The following SLC43A2 variants were observed in gnomAD, a reference collection of about 807,000 sequenced individuals.
The protein encoded by SLC43A2 is large neutral amino acids transporter small subunit 4.
A neutral mutation model predicts 63.2 loss-of-function variants in SLC43A2; 38 were observed. That is an observed-to-expected ratio of 0.60 (90% CI 0.46 to 0.79). SLC43A2 has a LOEUF of 0.79. Among genes scored for constraint, SLC43A2 ranks in the 30% least tolerant of loss-of-function variants. The pLI is 0.00. For missense variants in SLC43A2, 644 were observed against 756.2 expected (o/e 0.85, Z 1.74); for synonymous variants, 322 against 331.0 (o/e 0.97, Z 0.30).
chr17:1,612,652 C>T (rs369958022), intron 5 of SLC43A2, among the ~76,000 whole-genome samples: 33 of 152,224 alleles, frequency 2.2e-4, no homozygotes, highest in African/African-American at 7.5e-4. Flanking sequence ...GAGCTGCTTC[C>T]GCAGCATCAA....
intron 2 of SLC43A2, among the ~76,000 whole-genome samples, chr17:1,617,133 G>A (rs1294327284): frequency 2.0e-5 from 3 of 152,154 alleles, no homozygotes; most frequent in Non-Finnish European, 4.4e-5. Context: ...ACCCTAGAAC[G>A]GCAGACCTCA....
In SLC43A2 at chr17:1,593,837, G is replaced by C. The variant is rs2151048583; in HGVS notation, c.502-558C>G. Among the ~76,000 whole-genome samples, 1 of 152,154 alleles carries C rather than the reference G, an allele frequency of 6.6e-6. No individual in the cohort carries two copies. Among genetic ancestry groups the C allele is most frequent in the Admixed American group, 6.6e-5 (1 of 15,264 alleles). On this transcript the variant is annotated intron_variant, in intron 5 of 13. Coordinates refer to ENST00000301335, the MANE Select transcript of SLC43A2 (RefSeq NM_152346.3). The surrounding 1 kb of genome is among the most constrained non-coding windows in gnomAD (Gnocchi z 5.3). The stretch of plus-strand genomic sequence containing the variant: ...AAGCTGGCCCAGGATTCCTGCTTCT[G>C]AATTTCTTTTCTTTGTTTTGAGATG...
At chr17:1,611,303 G>T (rs905727826) in intron 5 of SLC43A2, among the ~76,000 whole-genome samples, 8 of 152,090 alleles carry the variant, frequency 5.3e-5, no homozygotes, top group Non-Finnish European at 2.9e-5. Context: ...AATAATGGAG[G>T]TGAGGCCAGG....
rs1240861178 is a variant in SLC43A2, at chr17:1,575,063, A to G, written c.*541T>C. On this transcript the variant is annotated 3_prime_UTR_variant, in exon 14 of 14. Coordinates refer to ENST00000301335, the MANE Select transcript of SLC43A2 (RefSeq NM_152346.3). ...GGTGGGCAGGCCCTGGACAGGCGAC[A>G]GGGGGCTGGAATTACAAAGGAATTA... 3 of 165,878 alleles carry G rather than the reference A, an allele frequency of 1.8e-5. No individual in the cohort carries two copies. Among genetic ancestry groups the G allele is most frequent in the Non-Finnish European group, 4.0e-5 (3 of 75,018 alleles). The allele number at this position is 165,878 out of a possible 1,614,324, so 10.3% of individuals were successfully genotyped here.
At position 1,583,543 on chromosome 17, in the gene SLC43A2, G is replaced by A. The variant is rs1162162607; in HGVS notation, c.1218-207C>T. The A allele has an allele frequency of 2.9e-5, 22 of 758,384 alleles. 1 individual carries two copies. The highest frequency in any genetic ancestry group is 1.0e-4 in the South Asian group (5 of 48,782). The allele number at this position is 758,384 out of a possible 1,614,324, so 47.0% of individuals were successfully genotyped here. A position where few individuals can be genotyped will look rare whatever the true frequency, so the allele number is the denominator to read the frequency against. On this transcript the variant is annotated intron_variant, in intron 10 of 13. Transcript: ENST00000301335. This position sits in a 1 kb window ranked among gnomAD's most constrained non-coding sequence, Gnocchi z 5.5. The stretch of plus-strand genomic sequence containing the variant: ...CAGTGGCAAGCTGAGTGTGACTCTC[G>A]GAGGGGGTCTCGGGTACAAGAAGAT...
rs1473440627 is a variant in SLC43A2 at position 1,574,366 on chromosome 17, T to A, written c.*1238A>T. The A allele has an allele frequency of 6.6e-6, 1 of 152,582 alleles. No individual in the cohort carries two copies. The highest frequency in any genetic ancestry group is 6.5e-5 in the Admixed American group (1 of 15,272). The allele number at this position is 152,582 out of a possible 1,614,324, so 9.5% of individuals were successfully genotyped here. Reference sequence around the variant, plus strand: ...TCTTCTCAAGCTCAAAATAGGCACATGCAGCTATTAACTGATATGCCAGAA... The same window carrying A: ...TCTTCTCAAGCTCAAAATAGGCACAAGCAGCTATTAACTGATATGCCAGAA... On this transcript the variant is annotated 3_prime_UTR_variant, in exon 14 of 14. Coordinates refer to ENST00000301335, the MANE Select transcript of SLC43A2 (RefSeq NM_152346.3).
Position 1,574,824 on chromosome 17 carries a change from G to A in SLC43A2, c.*780C>T, listed in dbSNP as rs2075896010. 6.6e-6 allele frequency: 1 copy of A among 151,402 alleles called. No individual in the cohort carries two copies. Among genetic ancestry groups the A allele is most frequent in the Non-Finnish European group, 1.5e-5 (1 of 67,872 alleles). 9.4% of individuals were successfully genotyped at this position (151,402 alleles called of 1,614,324 possible). On this transcript the variant is annotated 3_prime_UTR_variant, in exon 14 of 14. Coordinates refer to ENST00000301335, the MANE Select transcript of SLC43A2 (RefSeq NM_152346.3). The stretch of plus-strand genomic sequence containing the variant: ...TGGACCTCCACGTCTGCCGGCCACA[G>A]CCTTTCGTCCACCTCCACAAAAGCA...
chr17:1,576,870 T>C (rs563701577), intron 12 of SLC43A2, 150 bp from the exon 13 acceptor site: 225 of 980,168 alleles, frequency 2.3e-4, no homozygotes, highest in Non-Finnish European at 3.0e-4. Flanking sequence ...TCTGTTTTTT[T>C]TTTTTTTTTT....
intron 2 of SLC43A2, among the ~76,000 whole-genome samples, chr17:1,620,910 GACCCCGGGCCAGCCTGCTCTGCTC>G: frequency 1.3e-5 from 2 of 152,226 alleles, no homozygotes; most frequent in South Asian, 4.1e-4. Context: ...CCTGGAGCTT[GACCCCGGGCCAGCCTGCTCTGCTC>G]ACCCCCGGCC....
chr17:1,603,884 G>A (rs769578625), intron 5 of SLC43A2, among the ~76,000 whole-genome samples: 8 of 152,216 alleles, frequency 5.3e-5, no homozygotes, highest in Non-Finnish European at 8.8e-5. Context: ...ATTCAAGCCA[G>A]GCCAAGCCTC....
At chr17:1,596,193 G>A (rs1357401940) in intron 5 of SLC43A2, among the ~76,000 whole-genome samples, 1 of 152,044 alleles carries the variant, frequency 6.6e-6, no homozygotes, top group Non-Finnish European at 1.5e-5. Context: ...GGTGGTGGAC[G>A]CCTGTAATCC....
intron 2 of SLC43A2, 74 bp from the exon 3 acceptor site, chr17:1,616,843 C>A (rs1417516306): frequency 2.0e-6 from 3 of 1,524,806 alleles, no homozygotes; most frequent in Admixed American, 1.7e-5. Context: ...GGGCAGGTGC[C>A]CATTCAGAGT....
At chr17:1,584,006 C>T (rs1365591958) in intron 10 of SLC43A2, among the ~76,000 whole-genome samples, 1 of 152,038 alleles carries the variant, frequency 6.6e-6, no homozygotes. Flanking sequence ...AGCGATTCTC[C>T]TGCCTCAGCC....
At chr17:1,579,762 G>A (rs769883401) in intron 11 of SLC43A2, among the ~76,000 whole-genome samples, 6 of 152,060 alleles carry the variant, frequency 3.9e-5, no homozygotes, top group Non-Finnish European at 7.4e-5. Flanking sequence ...ACCTGAGCTC[G>A]GGAAGTCAAG....
chr17:1,604,570 A>G (rs1027294736), intron 5 of SLC43A2: 1 of 697,752 alleles, frequency 1.4e-6, no homozygotes, highest in Non-Finnish European at 2.4e-6. Flanking sequence ...TAGACATCTC[A>G]TCAACACAGC....
intron 2 of SLC43A2, among the ~76,000 whole-genome samples, chr17:1,618,262 T>C (rs528449870): frequency 3.9e-5 from 6 of 152,378 alleles, no homozygotes; most frequent in South Asian, 2.1e-4. Flanking sequence ...TTCTCCACTT[T>C]CTACCTGCAT....
At position 1,583,455 on chromosome 17, in the gene SLC43A2, C is replaced by G; in HGVS notation, c.1218-119G>C. On this transcript the variant is annotated intron_variant, in intron 10 of 13. Transcript: ENST00000301335. The surrounding 1 kb of genome is among the most constrained non-coding windows in gnomAD (Gnocchi z 5.5). ...ACTGACGCAAGACTCAGAAGCCACC[C>G]AGGCACGTTTTAGGGACTGTGTCGG... 1.3e-6 allele frequency: 2 copies of G among 1,521,052 alleles called. No individual in the cohort carries two copies. The highest frequency in any genetic ancestry group is 2.5e-5 in the South Asian group (2 of 80,512). 94.2% of individuals were successfully genotyped at this position (1,521,052 alleles called of 1,614,324 possible). A position where few individuals can be genotyped will look rare whatever the true frequency, so the allele number is the denominator to read the frequency against.
chr17:1,596,454 A>G (rs180968116), intron 5 of SLC43A2, among the ~76,000 whole-genome samples: 151 of 152,302 alleles, frequency 9.9e-4, no homozygotes, highest in African/African-American at 3.4e-3. Flanking sequence ...GAATGGGAGA[A>G]ACTTCTTACA....
In SLC43A2 at chr17:1,593,159, G is replaced by C. The variant is rs1049104560; in HGVS notation, c.594+28C>G. 1 of 1,603,100 alleles carries C rather than the reference G, an allele frequency of 6.2e-7. No individual in the cohort carries two copies. The highest frequency in any genetic ancestry group is 1.3e-5 in the African/African-American group (1 of 74,912). ...GGAGCCTGGAGCAGGCCTCTGCACAGACACCAGTGCAAAATACACGTGCTC... is the reference window on the plus strand; with the variant it reads ...GGAGCCTGGAGCAGGCCTCTGCACACACACCAGTGCAAAATACACGTGCTC... On this transcript the variant is annotated intron_variant, in intron 6 of 13. Transcript: ENST00000301335. The surrounding 1 kb of genome is among the most constrained non-coding windows in gnomAD (Gnocchi z 5.3).
Sources: gnomAD v4.1 joint callset for allele counts (sites outside exome capture counted in the v4.1 genomes callset) on GRCh38, gnomAD v4.1.1 for gene constraint, Gnocchi (gnomAD v3.1) non-coding constraint, MANE v1.5 for transcripts, NCBI Gene and HGNC (gene_info 2026-07-23, HGNC 2026-07-21) for gene names.